SYT5: variants seen among roughly 807,000 people sequenced by gnomAD.
SYT5 encodes the protein synaptotagmin 5.
SYT5 carries 29 observed loss-of-function variants against 36.0 expected under a neutral mutation model. The ratio of observed to expected loss-of-function variants is 0.81; its 90% CI spans 0.60 to 1.10. The LOEUF is 1.10. SYT5 is among the 50% of genes least tolerant of loss of function. The pLI, the probability that SYT5 is intolerant of heterozygous loss-of-function variation, is 0.00. For missense variants in SYT5, 512 were observed against 516.0 expected, an observed-to-expected ratio of 0.99 and a Z score of 0.08; for synonymous variants, 231 against 227.6, an observed-to-expected ratio of 1.02 and a Z score of -0.14.
rs1470398579 is a variant in SYT5, at chr19:55,175,632, G to C, written c.540+77C>G. The stretch of plus-strand genomic sequence containing the variant: ...TGAGCTGTGGCCGCCTCCAGGAAAA[G>C]CGGAAGGGGTCGGTCCCTAGTGTTC... On this transcript the variant is annotated intron_variant, in intron 5 of 8. Coordinates refer to ENST00000354308, the MANE Select transcript of SYT5 (RefSeq NM_003180.3). This position sits in a 1 kb window ranked among gnomAD's most constrained non-coding sequence, Gnocchi z 4.5. 6.4e-7 allele frequency: 1 copy of C among 1,552,156 alleles called. No individual in the cohort carries two copies. The highest frequency in any genetic ancestry group is 1.4e-5 in the African/African-American group (1 of 73,234).
In SYT5 at chr19:55,173,405, C is replaced by A; in HGVS notation, c.*79G>T. 8.1e-7 allele frequency: 1 copy of A among 1,227,210 alleles called. No individual in the cohort carries two copies. The allele number at this position is 1,227,210 out of a possible 1,614,324, so 76.0% of individuals were successfully genotyped here. ...CGTCAGAGGAAGCTTAAGGGTGGGG[C>A]TGGCTTGGCTTTGGCCGGTCTCGGG... On this transcript the variant is annotated 3_prime_UTR_variant, in exon 9 of 9. Coordinates refer to ENST00000354308, the MANE Select transcript of SYT5 (RefSeq NM_003180.3). This position sits in a 1 kb window ranked among gnomAD's most constrained non-coding sequence, Gnocchi z 5.4.
At chr19:55,176,936 A>G (rs1013615049) in intron 3 of SYT5, 5 of 152,266 alleles carry the variant, frequency 3.3e-5, no homozygotes, top group African/African-American at 1.2e-4. Flanking sequence ...CAACCAGGAA[A>G]TGGTCCTTCT....
Position 55,175,743 on chromosome 19 carries a change from A to G in SYT5, c.506T>C (p.Leu169Pro). 1 of 1,614,060 alleles carries G rather than the reference A, an allele frequency of 6.2e-7. No homozygotes were observed. Among genetic ancestry groups the G allele is most frequent in the Non-Finnish European group, 8.5e-7 (1 of 1,180,012 alleles). The change falls in exon 5 of 9, where the codon CTG becomes CCG. Residue 169 changes from leucine to proline, a missense_variant. Transcript: ENST00000354308. The surrounding 1 kb of genome is among the most constrained non-coding windows in gnomAD (Gnocchi z 4.5). The part of the protein sequence containing the change: ...RYETKVHRQT[L>P]NPHFGETFAF... ...GAAGGTCTCCCCAAAGTGAGGGTTC[A>G]GCGTCTGCCGATGCACCTTGGTCTC...
At position 55,175,023 on chromosome 19, in the gene SYT5, C is replaced by T. The variant is rs765415901; in HGVS notation, c.709-24G>A. 25 of 1,608,240 alleles carry T rather than the reference C, an allele frequency of 1.6e-5. No homozygotes were observed. The highest frequency in any genetic ancestry group is 1.9e-5 in the Non-Finnish European group (22 of 1,178,118). On this transcript the variant is annotated intron_variant, in intron 6 of 8. Coordinates refer to ENST00000354308, the MANE Select transcript of SYT5 (RefSeq NM_003180.3). This position sits in a 1 kb window ranked among gnomAD's most constrained non-coding sequence, Gnocchi z 4.5. ...TGCTGAAAGGAGAGGGGCCCATCACCAGAGCCCCGGCTCCACATCCATGCC... is the reference window on the plus strand; with the variant it reads ...TGCTGAAAGGAGAGGGGCCCATCACTAGAGCCCCGGCTCCACATCCATGCC...
Position 55,178,142 on chromosome 19 carries a change from G to T in SYT5, c.252+54C>A. The T allele has an allele frequency of 1.9e-6, 3 of 1,568,518 alleles. No homozygotes were observed. In the South Asian group the frequency reaches 3.6e-5, roughly 19 times the overall value. On this transcript the variant is annotated intron_variant, in intron 3 of 8. Coordinates refer to ENST00000354308, the MANE Select transcript of SYT5 (RefSeq NM_003180.3). ...AGGGACTGGGACCAGCTGGGCCATT[G>T]AGAGGAGCAGGGTGCGGGAAGGGGC... is the stretch of plus-strand genomic sequence containing the variant.
chr19:55,174,618 C>A lies in SYT5; in HGVS notation c.859G>T (p.Gly287Cys). ...PYVKVHLLQG[G>C]KKVRKKKTTI... ...GTTTTCTTCTTCCGCACCTTTTTGC[C>A]GCCCTGCAGCAGGTGGACCTTGACG... The change falls in exon 8 of 9, where the codon GGC becomes TGC. Residue 287 changes from glycine (G) to cysteine (C), a missense_variant. By Grantham distance (159) the Gly-to-Cys change is radical (BLOSUM62 -3). Coordinates refer to ENST00000354308, the MANE Select transcript of SYT5 (RefSeq NM_003180.3). 3 of 1,613,922 alleles carry A rather than the reference C, an allele frequency of 1.9e-6. No homozygotes were observed. Among genetic ancestry groups the A allele is most frequent in the Non-Finnish European group, 2.5e-6 (3 of 1,179,950 alleles).
Position 55,176,140 on chromosome 19 carries a change from G to A in SYT5, c.253-16C>T. On this transcript the variant is annotated splice_polypyrimidine_tract_variant and intron_variant, in intron 3 of 8. Transcript: ENST00000354308. ...CTGGCTGCACCTTAAGGAGCCAGGG[G>A]TAAGGGTGGGTGAAGTCTTCCCCTG... 3 of 1,613,880 alleles carry A rather than the reference G, an allele frequency of 1.9e-6. No individual in the cohort carries two copies. Among genetic ancestry groups the A allele is most frequent in the Non-Finnish European group, 2.5e-6 (3 of 1,180,022 alleles).
rs1225340860 is a variant in SYT5 at position 55,173,435 on chromosome 19, TG to T, written c.*48del. The T allele has an allele frequency of 7.7e-7, 1 of 1,295,610 alleles. No individual in the cohort carries two copies. The highest frequency in any genetic ancestry group is 9.8e-7 in the Non-Finnish European group (1 of 1,023,518). 80.3% of individuals were successfully genotyped at this position (1,295,610 alleles called of 1,614,324 possible). A position where few individuals can be genotyped will look rare whatever the true frequency, so the allele number is the denominator to read the frequency against. ...TTGGCTTTGGCCGGTCTCGGGAGTC[TG>T]GGGTCAGGGGCTAGAGTCCAGGCTT... On this transcript the variant is annotated 3_prime_UTR_variant, in exon 9 of 9. Transcript: ENST00000354308. This position sits in a 1 kb window ranked among gnomAD's most constrained non-coding sequence, Gnocchi z 5.4.
chr19:55,179,159 C>T lies in SYT5; in HGVS notation c.-45-73G>A, dbSNP rs749004887. 5 of 1,536,664 alleles carry T rather than the reference C, an allele frequency of 3.3e-6. No homozygotes were observed. Among genetic ancestry groups the T allele is most frequent in the Non-Finnish European group, 3.5e-6 (4 of 1,146,264 alleles). ...CAAAGAACTCCAACTCCCATGAGGCCTTTGCGCGAACAGCCGCGCAGAAAC... is the reference window on the plus strand; with the variant it reads ...CAAAGAACTCCAACTCCCATGAGGCTTTTGCGCGAACAGCCGCGCAGAAAC... On this transcript the variant is annotated intron_variant, in intron 1 of 8. Transcript: ENST00000354308. The surrounding 1 kb of genome is among the most constrained non-coding windows in gnomAD (Gnocchi z 4.5).
chr19:55,173,289 T>A lies in SYT5; in HGVS notation c.*195A>T. 2.3e-6 allele frequency: 1 copy of A among 429,726 alleles called. No individual in the cohort carries two copies. The highest frequency in any genetic ancestry group is 3.8e-6 in the Non-Finnish European group (1 of 260,868). 26.6% of individuals were successfully genotyped at this position (429,726 alleles called of 1,614,324 possible). On this transcript the variant is annotated 3_prime_UTR_variant, in exon 9 of 9. Transcript: ENST00000354308. The surrounding 1 kb of genome is among the most constrained non-coding windows in gnomAD (Gnocchi z 5.4). ...GGTGTGTCCGCGAGGGTCGGGGGAG[T>A]GTGCTGGAAAGTTGTCGTGATTGGC...
chr19:55,175,743 AG>A lies in SYT5; in HGVS notation c.505del (p.Leu169Ter). 6.2e-7 allele frequency: 1 copy of A among 1,614,060 alleles called. No individual in the cohort carries two copies. On this transcript the variant is annotated frameshift_variant, in exon 5 of 9. Coordinates refer to ENST00000354308, the MANE Select transcript of SYT5 (RefSeq NM_003180.3). LOFTEE classifies it high-confidence loss of function. This position sits in a 1 kb window ranked among gnomAD's most constrained non-coding sequence, Gnocchi z 4.5. The stretch of plus-strand genomic sequence containing the variant: ...GAAGGTCTCCCCAAAGTGAGGGTTC[AG>A]CGTCTGCCGATGCACCTTGGTCTCG... ...RYETKVHRQT[L>X]NPHFGETFAF...
In SYT5 at chr19:55,179,473, A is replaced by G. The variant is rs988622729; in HGVS notation, c.-45-387T>C. 2 of 350,102 alleles carry G rather than the reference A, an allele frequency of 5.7e-6. No homozygotes were observed. The highest frequency in any genetic ancestry group is 4.3e-5 in the East Asian group (1 of 23,196). 21.7% of individuals were successfully genotyped at this position (350,102 alleles called of 1,614,324 possible). A position where few individuals can be genotyped will look rare whatever the true frequency, so the allele number is the denominator to read the frequency against. On this transcript the variant is annotated intron_variant, in intron 1 of 8. Coordinates refer to ENST00000354308, the MANE Select transcript of SYT5 (RefSeq NM_003180.3). This position sits in a 1 kb window ranked among gnomAD's most constrained non-coding sequence, Gnocchi z 4.5. The stretch of plus-strand genomic sequence containing the variant: ...GCCCGGGCAACGGGTTGTTGCCAGG[A>G]CAACGGGCGGGGCTGACGCACAGAC...
chr19:55,173,522 G>T lies in SYT5; in HGVS notation c.1123C>A (p.Arg375=). ...RRPIAQWHSL[R]PPDRVRLLPA... ...AGCAGCCTCACTCGGTCCGGGGGCC[G>T]CAGCGAGTGCCACTGGGCAATGGGC... The change falls in exon 9 of 9, where the codon CGG becomes AGG. Residue 375 remains arginine (R), a synonymous_variant. Transcript: ENST00000354308. The surrounding 1 kb of genome is among the most constrained non-coding windows in gnomAD (Gnocchi z 5.4). 1 of 1,407,286 alleles carries T rather than the reference G, an allele frequency of 7.1e-7. No homozygotes were observed. The highest frequency in any genetic ancestry group is 9.3e-7 in the Non-Finnish European group (1 of 1,080,542). 87.2% of individuals were successfully genotyped at this position (1,407,286 alleles called of 1,614,324 possible).
At chr19:55,178,886 C>A (rs2086109835) in intron 2 of SYT5, 77 bp downstream of exon 2, 5 of 1,374,716 alleles carry the variant, frequency 3.6e-6, no homozygotes, top group Non-Finnish European at 3.8e-6. Context: ...CCCGAGTACA[C>A]CCGTCCGAAT....
At position 55,179,094 on chromosome 19, in the gene SYT5, C is replaced by T. The variant is rs542518780; in HGVS notation, c.-45-8G>A. On this transcript the variant is annotated splice_polypyrimidine_tract_variant and splice_region_variant and intron_variant, in intron 1 of 8. Coordinates refer to ENST00000354308, the MANE Select transcript of SYT5 (RefSeq NM_003180.3). This position sits in a 1 kb window ranked among gnomAD's most constrained non-coding sequence, Gnocchi z 4.5. ...CAGAGACACTCAAGCACCCTAGTCCCCCATTCCCACCCCAGACGTCCTTTG... is the reference window on the plus strand; with the variant it reads ...CAGAGACACTCAAGCACCCTAGTCCTCCATTCCCACCCCAGACGTCCTTTG... The T allele has an allele frequency of 1.1e-4, 178 of 1,561,644 alleles. 3 individuals carry two copies. The South Asian group carries it at 2.0e-3, about 17-fold the overall frequency.
At position 55,179,461 on chromosome 19, in the gene SYT5, G is replaced by A. The variant is rs1599949525; in HGVS notation, c.-45-375C>T. 2.7e-6 allele frequency: 1 copy of A among 371,476 alleles called. No individual in the cohort carries two copies. The allele number at this position is 371,476 out of a possible 1,614,324, so 23.0% of individuals were successfully genotyped here. ...GCAAAGCTGGTTGCCCGGGCAACGG[G>A]TTGTTGCCAGGACAACGGGCGGGGC... On this transcript the variant is annotated intron_variant, in intron 1 of 8. Transcript: ENST00000354308. This position sits in a 1 kb window ranked among gnomAD's most constrained non-coding sequence, Gnocchi z 4.5.
chr19:55,174,843 G>A (rs539200221), intron 7 of SYT5, 39 bp downstream of exon 7: 4 of 1,581,968 alleles, frequency 2.5e-6, no homozygotes, highest in East Asian at 2.2e-5. Context: ...CCCACCCCAC[G>A]CCATCCCCAC....
chr19:55,175,195 G>T lies in SYT5; in HGVS notation c.685C>A (p.Leu229Met). The T allele has an allele frequency of 6.2e-7, 1 of 1,606,812 alleles. No homozygotes were observed. Among genetic ancestry groups the T allele is most frequent in the Non-Finnish European group, 8.5e-7 (1 of 1,177,282 alleles). Residue 229 changes from leucine (L) to methionine (M), a missense_variant, in exon 6 of 9, where the codon CTG becomes ATG. By Grantham distance (15) the Leu-to-Met change is conservative. Coordinates refer to ENST00000354308, the MANE Select transcript of SYT5 (RefSeq NM_003180.3). The surrounding 1 kb of genome is among the most constrained non-coding windows in gnomAD (Gnocchi z 4.5). Reference protein sequence around the residue: ...LGRPVQAWRELQAAPREEQEK... With the variant: ...LGRPVQAWREMQAAPREEQEK... ...ACCTCCTCCCGCGGAGCCGCCTGCAGCTCCCGCCAGGCCTGCACTGGCCGC... is the reference window on the plus strand; with the variant it reads ...ACCTCCTCCCGCGGAGCCGCCTGCATCTCCCGCCAGGCCTGCACTGGCCGC...
intron 2 of SYT5, among the ~76,000 whole-genome samples, 167 bp from the exon 3 acceptor site, chr19:55,178,535 T>C (rs2086103966): frequency 6.6e-6 from 1 of 152,146 alleles, no homozygotes; most frequent in African/African-American, 2.4e-5. Context: ...ATAGAGAGAT[T>C]CGATGCCCCA....
Sources: gnomAD v4.1 joint callset for allele counts (sites outside exome capture counted in the v4.1 genomes callset) on GRCh38, gnomAD v4.1.1 for gene constraint, Gnocchi (gnomAD v3.1) non-coding constraint, MANE v1.5 for transcripts, NCBI Gene and HGNC (gene_info 2026-07-23, HGNC 2026-07-21) for gene names.